WDR72: variants seen among roughly 807,000 people sequenced by gnomAD.
The protein encoded by WDR72 is WD repeat domain 72, also known as WD repeat-containing protein 72.
Under a neutral mutation model 124.2 loss-of-function variants are expected in WDR72, and 120 were observed. The ratio of observed to expected loss-of-function variants is 0.97; its 90% CI spans 0.83 to 1.12. The LOEUF (loss-of-function observed/expected upper bound fraction) is 1.12. Among genes scored for constraint, WDR72 ranks in the 50% most tolerant of loss-of-function variants. WDR72 has a pLI of 0.00. For missense variants in WDR72, 1,387 were observed against 1,278.8 expected (o/e 1.08, Z -1.29); for synonymous variants, 452 against 441.7 (o/e 1.02, Z -0.29).
At chr15:53,613,541 T>C (rs529932349) in intron 16 of WDR72, 125 bp downstream of exon 16, 22 of 689,330 alleles carry the variant, frequency 3.2e-5, no homozygotes, top group African/African-American at 3.0e-4. Context: ...ATCACAAACA[T>C]AGGTAAAATC....
intron 17 of WDR72, among the ~76,000 whole-genome samples, chr15:53,604,427 G>T (rs1189331999): frequency 6.6e-6 from 1 of 152,004 alleles, no homozygotes; most frequent in African/African-American, 2.4e-5. Context: ...ATAGGCAAAG[G>T]TTTAATGGCA....
chr15:53,616,686 T>C (rs2013781709), intron 14 of WDR72, among the ~76,000 whole-genome samples: 1 of 151,996 alleles, frequency 6.6e-6, no homozygotes, highest in African/African-American at 2.4e-5. Flanking sequence ...TTGGAAGTAA[T>C]TTAAATGTTA....
intron 13 of WDR72, among the ~76,000 whole-genome samples, chr15:53,691,699 A>G (rs949822943): frequency 1.3e-5 from 2 of 151,194 alleles, no homozygotes; most frequent in African/African-American, 2.4e-5. Context: ...TAAAGCCAGT[A>G]TTCCACATAC....
intron 13 of WDR72, among the ~76,000 whole-genome samples, chr15:53,667,816 T>C (rs1275338513): frequency 1.3e-5 from 2 of 152,240 alleles, no homozygotes; most frequent in South Asian, 2.1e-4. Flanking sequence ...GCAAAATGTA[T>C]ACATTTTATA....
At chr15:53,598,671 G>T (rs1439063907) in intron 17 of WDR72, among the ~76,000 whole-genome samples, 1 of 152,056 alleles carries the variant, frequency 6.6e-6, no homozygotes, top group Non-Finnish European at 1.5e-5. Flanking sequence ...TTATCTCCCT[G>T]CCCTTGTCCA....
At chr15:53,694,082 G>A (rs1053366350) in intron 13 of WDR72, among the ~76,000 whole-genome samples, 1 of 152,094 alleles carries the variant, frequency 6.6e-6, no homozygotes, top group East Asian at 1.9e-4. Context: ...ATGTCCTTAG[G>A]TCTGGAATCC....
chr15:53,585,307 G>A (rs996607179), intron 18 of WDR72, among the ~76,000 whole-genome samples: 3 of 151,944 alleles, frequency 2.0e-5, no homozygotes, highest in African/African-American at 7.2e-5. Context: ...GCAAGCAGGG[G>A]AAATGCCAGA....
Position 53,711,618 on chromosome 15 carries a change from T to C in WDR72, c.712-137A>G, listed in dbSNP as rs2078455098. The C allele has an allele frequency of 7.3e-6, 7 of 961,284 alleles. No individual in the cohort carries two copies. The South Asian group carries it at 8.8e-5, about 12-fold the overall frequency. The allele number at this position is 961,284 out of a possible 1,614,324, so 59.5% of individuals were successfully genotyped here. On this transcript the variant is annotated intron_variant, in intron 7 of 19. Transcript: ENST00000360509. ...ACCATACTGTACTCTCATATTAAGA[T>C]GATATTTTACCATGACTTATTGACT...
intron 13 of WDR72, among the ~76,000 whole-genome samples, chr15:53,693,901 T>C (rs1346188452): frequency 6.6e-6 from 1 of 152,226 alleles, no homozygotes; most frequent in Non-Finnish European, 1.5e-5. Flanking sequence ...GGCTGGGTGC[T>C]CATGCTATGC....
At chr15:53,538,006 G>A (rs1892849956) in intron 18 of WDR72, among the ~76,000 whole-genome samples, 1 of 152,200 alleles carries the variant, frequency 6.6e-6, no homozygotes, top group East Asian at 1.9e-4. Flanking sequence ...TATCAAGAGT[G>A]CTGAATATGG....
chr15:53,761,123 C>CTAAA (rs575992255), upstream of WDR72, among the ~76,000 whole-genome samples: 246 of 151,882 alleles, frequency 1.6e-3, 2 homozygotes, highest in African/African-American at 5.6e-3. Flanking sequence ...GACTCCATCT[C>CTAAA]TAAATAAATA....
chr15:53,758,206 G>T (rs112336656), intron 1 of WDR72, among the ~76,000 whole-genome samples: 1 of 151,996 alleles, frequency 6.6e-6, no homozygotes, highest in African/African-American at 2.4e-5. Flanking sequence ...TTGCTATGTT[G>T]CCCAGGCTGG....
chr15:53,718,337 T>C (rs1249990630), intron 3 of WDR72, among the ~76,000 whole-genome samples: 1 of 152,186 alleles, frequency 6.6e-6, no homozygotes, highest in Non-Finnish European at 1.5e-5. Flanking sequence ...ACCATGCAGA[T>C]ATCAAATCAG....
chr15:53,561,164 C>T (rs1894113141), intron 18 of WDR72, among the ~76,000 whole-genome samples: 1 of 151,784 alleles, frequency 6.6e-6, no homozygotes, highest in Non-Finnish European at 1.5e-5. Flanking sequence ...GTAGCACATT[C>T]AACCAAAAGG....
At chr15:53,682,962 C>T (rs902783263) in intron 13 of WDR72, among the ~76,000 whole-genome samples, 1 of 152,078 alleles carries the variant, frequency 6.6e-6, no homozygotes, top group Non-Finnish European at 1.5e-5. Context: ...CTGTGGAAGC[C>T]TCAGGAAACT....
chr15:53,517,846 G>A lies in WDR72; in HGVS notation c.3254-92C>T, dbSNP rs1810855349. On this transcript the variant is annotated intron_variant, in intron 19 of 19. Coordinates refer to ENST00000360509, the MANE Select transcript of WDR72 (RefSeq NM_182758.4). ...AGAGGAGGGGAGGGAGAGAGGAAATGAAGAATAGATACAGAAAGGAAGAAG... is the reference window on the plus strand; with the variant it reads ...AGAGGAGGGGAGGGAGAGAGGAAATAAAGAATAGATACAGAAAGGAAGAAG... 3 of 1,188,488 alleles carry A rather than the reference G, an allele frequency of 2.5e-6. No homozygotes were observed. The South Asian group carries it at 3.7e-5, about 15-fold the overall frequency. The allele number at this position is 1,188,488 out of a possible 1,614,324, so 73.6% of individuals were successfully genotyped here.
chr15:53,560,551 A>T (rs1264378987), intron 18 of WDR72, among the ~76,000 whole-genome samples: 1 of 151,746 alleles, frequency 6.6e-6, no homozygotes, highest in Admixed American at 6.6e-5. Context: ...CACTGCCATG[A>T]CCCCGATACA....
At chr15:53,706,348 GTGTATATATATATA>G (rs1241922692) in intron 9 of WDR72, among the ~76,000 whole-genome samples, 25 of 57,388 alleles carry the variant, frequency 4.4e-4, no homozygotes, top group East Asian at 2.6e-3. Flanking sequence ...GTGTGTGTGT[GTGTATATATATATA>G]TATATATATA....
chr15:53,686,793 T>C (rs1306601989), intron 13 of WDR72, among the ~76,000 whole-genome samples: 4 of 150,514 alleles, frequency 2.7e-5, no homozygotes, highest in African/African-American at 4.9e-5. Flanking sequence ...TATTCCAAAA[T>C]TGACCACATA....
Sources: gnomAD v4.1 joint callset for allele counts (sites outside exome capture counted in the v4.1 genomes callset) on GRCh38, gnomAD v4.1.1 for gene constraint, MANE v1.5 for transcripts, NCBI Gene and HGNC (gene_info 2026-07-23, HGNC 2026-07-21) for gene names.